CHIT1: variants seen among roughly 807,000 people sequenced by gnomAD.
CHIT1 encodes the protein chitinase 1.
In CHIT1, 47 loss-of-function variants were observed where a neutral mutation model predicts 52.0. The observed-to-expected ratio is 0.90, with a 90% confidence interval of 0.71 to 1.15. CHIT1 has a LOEUF of 1.15. CHIT1 is among the 50% of genes most tolerant of loss of function. The pLI is 0.00. For missense variants in CHIT1, 569 were observed against 583.0 expected, an observed-to-expected ratio of 0.98 and a Z score of 0.25; for synonymous variants, 242 against 228.2, an observed-to-expected ratio of 1.06 and a Z score of -0.54.
At chr1:203,223,973 A>G (rs1656837485) in intron 4 of CHIT1, among the ~76,000 whole-genome samples, 1 of 152,130 alleles carries the variant, frequency 6.6e-6, no homozygotes, top group Non-Finnish European at 1.5e-5. Flanking sequence ...TCCCACCCCA[A>G]ACCAGAACTA....
chr1:203,229,614 G>A lies in CHIT1; in HGVS notation c.23C>T (p.Ala8Val). ...CAGCCCACTATCCGACGGCTCACCT[G>A]CCCAGGCCACAGACCGCACCATGAT... is the stretch of plus-strand genomic sequence containing the variant. MVRSVAWAGFMVLLMIPW... is the reference protein window; with the variant it reads MVRSVAWVGFMVLLMIPW... Residue 8 changes from alanine to valine, a missense_variant and splice_region_variant, in exon 1 of 11, where the codon GCA (alanine) becomes GTA (valine). Physicochemically the swap from Ala to Val is moderately conservative, Grantham distance 64. Coordinates refer to ENST00000367229, the MANE Select transcript of CHIT1 (RefSeq NM_003465.3). The A allele has an allele frequency of 1.9e-6, 3 of 1,613,892 alleles. No homozygotes were observed. Among genetic ancestry groups the A allele is most frequent in the Admixed American group, 3.3e-5 (2 of 59,988 alleles).
In CHIT1 at chr1:203,228,692, G is replaced by GA. The variant is rs531804136; in HGVS notation, c.26-131dup. 2.4e-4 allele frequency: 259 copies of GA among 1,089,328 alleles called. No homozygotes were observed. In the African/African-American group the frequency reaches 3.6e-3, roughly 15 times the overall value. The allele number at this position is 1,089,328 out of a possible 1,614,324, so 67.5% of individuals were successfully genotyped here. A position where few individuals can be genotyped will look rare whatever the true frequency, so the allele number is the denominator to read the frequency against. ...ATACAAATCAAGCTTTCTCCTTTCA[G>GA]AAGGGACCCAGGAGGGCACTGTGCC... On this transcript the variant is annotated intron_variant, in intron 1 of 10. Coordinates refer to ENST00000367229, the MANE Select transcript of CHIT1 (RefSeq NM_003465.3).
rs770059776 is a variant in CHIT1 at position 203,223,552 on chromosome 1, G to A, written c.423C>T (p.Tyr141=). 16 of 1,614,190 alleles carry A rather than the reference G, an allele frequency of 9.9e-6. No individual in the cohort carries two copies. In the East Asian group the frequency reaches 3.3e-4, roughly 34 times the overall value. ...SFDGLDLDWE[Y]PGSQGSPAVD... is the part of the protein sequence containing the mutation. ...CGGCAGGGCTCCCCTGGCTTCCTGG[G>A]TACTCCCAGTCAAGGTCAAGGCCGT... Residue 141 remains tyrosine, a synonymous_variant, in exon 5 of 11, where the codon TAC becomes TAT. Coordinates refer to ENST00000367229, the MANE Select transcript of CHIT1 (RefSeq NM_003465.3).
intron 9 of CHIT1, 130 bp from the exon 10 acceptor site, chr1:203,217,995 C>T: frequency 6.5e-7 from 1 of 1,536,664 alleles, no homozygotes; most frequent in Non-Finnish European, 8.7e-7. Context: ...GCTGTAGATT[C>T]TGGAGACAGC....
Position 203,222,321 on chromosome 1 carries a change from G to A in CHIT1, c.610C>T (p.Leu204=). Residue 204 remains leucine, a synonymous_variant, in exon 7 of 11, where the codon CTG becomes TTG. Coordinates refer to ENST00000367229, the MANE Select transcript of CHIT1 (RefSeq NM_003465.3). ...GYEVDKIAQN[L]DFVNLMAYDF... Reference sequence around the variant, plus strand: ...TAGGCCATAAGGTTGACAAAATCCAGGTTCCTGCAGGAGGCATGGAAGAGG... The same window carrying A: ...TAGGCCATAAGGTTGACAAAATCCAAGTTCCTGCAGGAGGCATGGAAGAGG... 1 of 1,614,198 alleles carries A rather than the reference G, an allele frequency of 6.2e-7. No individual in the cohort carries two copies. Among genetic ancestry groups the A allele is most frequent in the Non-Finnish European group, 8.5e-7 (1 of 1,180,042 alleles).
rs563747129 is a variant in CHIT1, at chr1:203,216,307, G to T, written c.*582C>A. 1 of 454,080 alleles carries T rather than the reference G, an allele frequency of 2.2e-6. No homozygotes were observed. The allele number at this position is 454,080 out of a possible 1,614,324, so 28.1% of individuals were successfully genotyped here. A position where few individuals can be genotyped will look rare whatever the true frequency, so the allele number is the denominator to read the frequency against. On this transcript the variant is annotated 3_prime_UTR_variant, in exon 11 of 11. Transcript: ENST00000367229. Reference sequence around the variant, plus strand: ...ATCTCGAAGACCCCTGAGTACCAGGGGTCTGAATTCTTAGTGTAATGCTGA... The same window carrying T: ...ATCTCGAAGACCCCTGAGTACCAGGTGTCTGAATTCTTAGTGTAATGCTGA...
rs368945041 is a variant in CHIT1 at position 203,223,469 on chromosome 1, G to A, written c.480+26C>T. 13 of 1,613,286 alleles carry A rather than the reference G, an allele frequency of 8.1e-6. No homozygotes were observed. The African/African-American group carries it at 1.2e-4, about 15-fold the overall frequency. On this transcript the variant is annotated intron_variant, in intron 5 of 10. Coordinates refer to ENST00000367229, the MANE Select transcript of CHIT1 (RefSeq NM_003465.3). Reference sequence around the variant, plus strand: ...CAGCTCTGGGTCCCTGCACAGACTGGTGATCCCCGCCCCGCCCAGCCATAC... The same window carrying A: ...CAGCTCTGGGTCCCTGCACAGACTGATGATCCCCGCCCCGCCCAGCCATAC...
At chr1:203,223,420 C>T in intron 5 of CHIT1, 75 bp downstream of exon 5, 1 of 1,600,116 alleles carries the variant, frequency 6.2e-7, no homozygotes, top group Non-Finnish European at 8.6e-7. Context: ...GGCAGAGCAG[C>T]CCCCACATGT....
At chr1:203,229,349 G>A (rs886502045) in intron 1 of CHIT1, among the ~76,000 whole-genome samples, 1 of 152,180 alleles carries the variant, frequency 6.6e-6, no homozygotes, top group African/African-American at 2.4e-5. Context: ...ACAGAGAGAG[G>A]AAAGTCAAGT....
At position 203,225,842 on chromosome 1, in the gene CHIT1, G is replaced by A. The variant is rs1656910210; in HGVS notation, c.84C>T (p.Phe28=). 4 of 1,614,082 alleles carry A rather than the reference G, an allele frequency of 2.5e-6. No individual in the cohort carries two copies. In the East Asian group the frequency reaches 6.7e-5, roughly 27 times the overall value. Residue 28 remains phenylalanine (F), a synonymous_variant, in exon 3 of 11, where the codon TTC becomes TTT. Transcript: ENST00000367229. ...WGSAAKLVCY[F]TNWAQYRQGE... is the part of the protein sequence containing the mutation. ...CCTGTCTGTACTGGGCCCAGTTGGTGAAGTAGCAGACCAGTTTTGCAGCAG... is the reference window on the plus strand; with the variant it reads ...CCTGTCTGTACTGGGCCCAGTTGGTAAAGTAGCAGACCAGTTTTGCAGCAG...
intron 2 of CHIT1, 66 bp downstream of exon 2, chr1:203,228,467 G>A (rs2102246306): frequency 6.6e-7 from 1 of 1,511,710 alleles, no homozygotes; most frequent in East Asian, 2.4e-5. Context: ...TGGCAGGGAA[G>A]GTGTTTTGGG....
chr1:203,223,861 G>A (rs1656832317), intron 4 of CHIT1, among the ~76,000 whole-genome samples: 1 of 152,110 alleles, frequency 6.6e-6, no homozygotes, highest in African/African-American at 2.4e-5. Context: ...ACCATCCAGA[G>A]CACTTTCTAC....
intron 9 of CHIT1, 23 bp from the exon 10 acceptor site, chr1:203,217,888 G>A (rs757953527): frequency 1.3e-6 from 2 of 1,536,350 alleles, no homozygotes; most frequent in South Asian, 2.5e-5. Flanking sequence ...GGGATGCAGT[G>A]GAGGAGCCCG....
At chr1:203,223,834 C>T (rs1040692971) in intron 4 of CHIT1, among the ~76,000 whole-genome samples, 174 bp from the exon 5 acceptor site, 2 of 151,992 alleles carry the variant, frequency 1.3e-5, no homozygotes, top group African/African-American at 2.4e-5. Context: ...AGTTATGGTC[C>T]GGGTTGAGGA....
upstream of CHIT1, chr1:203,229,690 C>T (rs772846697): frequency 6.2e-7 from 1 of 1,605,186 alleles, no homozygotes; most frequent in East Asian, 2.2e-5. Context: ...CCAGGTCCTG[C>T]TCTGCTTTTA....
Position 203,223,227 on chromosome 1 carries a change from C to A in CHIT1, c.513G>T (p.Gln171His), listed in dbSNP as rs12562058. Residue 171 changes from glutamine to histidine, a missense_variant, in exon 6 of 11, where the codon CAG (glutamine) becomes CAT (histidine). By Grantham distance (24) the Gln-to-His change is conservative (BLOSUM62 0). Coordinates refer to ENST00000367229, the MANE Select transcript of CHIT1 (RefSeq NM_003465.3). ...GAAGAAGGCGTTCCTTCCCTGAGGT[C>A]TGGGCTTCCTGCTGGAAGGCATTGG... ...DLANAFQQEA[Q>H]TSGKERLLLS... 5.5e-4 allele frequency: 881 copies of A among 1,614,208 alleles called. 7 individuals carry two copies. In the East Asian group the frequency reaches 0.015, roughly 28 times the overall value.
chr1:203,217,972 A>T, intron 9 of CHIT1, 107 bp from the exon 10 acceptor site: 6 of 1,539,978 alleles, frequency 3.9e-6, no homozygotes, highest in Non-Finnish European at 5.2e-6. Flanking sequence ...CAGCAGCCTC[A>T]GGCCTGTGAG....
At chr1:203,220,778 G>T (rs1300355096) in intron 7 of CHIT1, among the ~76,000 whole-genome samples, 1 of 152,244 alleles carries the variant, frequency 6.6e-6, no homozygotes, top group African/African-American at 2.4e-5. Context: ...GAAGGCAGAA[G>T]TCGGGGCTTC....
chr1:203,222,330 A>G lies in CHIT1; in HGVS notation c.606-5T>C. 6.2e-7 allele frequency: 1 copy of G among 1,614,170 alleles called. No homozygotes were observed. Among genetic ancestry groups the G allele is most frequent in the East Asian group, 2.2e-5 (1 of 44,870 alleles). ...AGGTTGACAAAATCCAGGTTCCTGC[A>G]GGAGGCATGGAAGAGGAGGTGAGAA... On this transcript the variant is annotated splice_polypyrimidine_tract_variant and splice_region_variant and intron_variant, in intron 6 of 10. Coordinates refer to ENST00000367229, the MANE Select transcript of CHIT1 (RefSeq NM_003465.3).
Sources: gnomAD v4.1 joint callset for allele counts (sites outside exome capture counted in the v4.1 genomes callset) on GRCh38, gnomAD v4.1.1 for gene constraint, MANE v1.5 for transcripts, NCBI Gene and HGNC (gene_info 2026-07-23, HGNC 2026-07-21) for gene names.